ANKFN1: variants seen among roughly 807,000 people sequenced by gnomAD.
The protein encoded by ANKFN1 is ankyrin repeat and fibronectin type-III domain-containing protein 1.
ANKFN1 carries 74 observed loss-of-function variants against 108.7 expected under a neutral mutation model. That is an observed-to-expected ratio of 0.68 (90% CI 0.56 to 0.83). The LOEUF (loss-of-function observed/expected upper bound fraction) is 0.83. ANKFN1 is among the 40% of genes least tolerant of loss of function. ANKFN1 has a pLI of 0.00. For synonymous variants in ANKFN1, 547 were observed against 516.2 expected, an observed-to-expected ratio of 1.06 and a Z score of -0.81; for missense variants, 1,505 against 1,382.3, an observed-to-expected ratio of 1.09 and a Z score of -1.41.
intron 1 of ANKFN1, among the ~76,000 whole-genome samples, chr17:56,212,274 T>A (rs1234011091): frequency 6.6e-6 from 1 of 152,188 alleles, no homozygotes; most frequent in Non-Finnish European, 1.5e-5. Context: ...GTCAAATGCT[T>A]TTTCTGTGTC....
At chr17:56,381,102 C>T (rs1461003117) in intron 8 of ANKFN1, among the ~76,000 whole-genome samples, 6 of 152,156 alleles carry the variant, frequency 3.9e-5, no homozygotes, top group African/African-American at 7.2e-5. Context: ...TCCAGAGGAA[C>T]GATCAGACAG....
chr17:56,343,327 T>G (rs953541104), intron 4 of ANKFN1, among the ~76,000 whole-genome samples: 5 of 152,042 alleles, frequency 3.3e-5, no homozygotes, highest in Admixed American at 6.6e-5. Context: ...TCTGGCAGTA[T>G]CTTAATTTCC....
chr17:56,423,418 T>A (rs999984795), intron 8 of ANKFN1, among the ~76,000 whole-genome samples: 1 of 152,200 alleles, frequency 6.6e-6, no homozygotes, highest in Non-Finnish European at 1.5e-5. Flanking sequence ...AAGATTTAAA[T>A]GTCTCCAATG....
At chr17:56,366,523 A>G (rs1278980772) in intron 6 of ANKFN1, among the ~76,000 whole-genome samples, 1 of 152,138 alleles carries the variant, frequency 6.6e-6, no homozygotes, top group Non-Finnish European at 1.5e-5. Flanking sequence ...ACCCAAAGCA[A>G]CCTCCAGTCC....
At chr17:56,246,997 C>T (rs1186333759) in intron 3 of ANKFN1, among the ~76,000 whole-genome samples, 2 of 152,192 alleles carry the variant, frequency 1.3e-5, no homozygotes, top group African/African-American at 2.4e-5. Context: ...GTCAAAAGAA[C>T]ATCAAGCTGA....
At chr17:56,415,608 A>C (rs2145019663) in intron 8 of ANKFN1, among the ~76,000 whole-genome samples, 1 of 152,348 alleles carries the variant, frequency 6.6e-6, no homozygotes, top group Admixed American at 6.5e-5. Context: ...ATGGGTTGGA[A>C]GAATCAATAT....
At chr17:56,255,228 A>T (rs1432757373) in intron 3 of ANKFN1, among the ~76,000 whole-genome samples, 1 of 152,166 alleles carries the variant, frequency 6.6e-6, no homozygotes, top group African/African-American at 2.4e-5. Flanking sequence ...ACAGTCCTTG[A>T]ACCAGGGGCC....
At position 56,466,479 on chromosome 17, in the gene ANKFN1, T is replaced by G. The variant is rs757655827; in HGVS notation, c.1681T>G (p.Trp561Gly). 1 of 1,614,144 alleles carries G rather than the reference T, an allele frequency of 6.2e-7. No individual in the cohort carries two copies. Among genetic ancestry groups the G allele is most frequent in the South Asian group, 1.1e-5 (1 of 91,080 alleles). The part of the protein sequence containing the change: ...EMLYSFFNGK[W>G]MQISKLQSQR... ...GCTTTATTCATTTTTTAATGGCAAA[T>G]GGATGCAGATCTCAAAGCTGCAAAG... The change falls in exon 15 of 21, where the codon TGG becomes GGG. Residue 561 changes from tryptophan to glycine, a missense_variant. By Grantham distance (184) the Trp-to-Gly change is radical. Transcript: ENST00000682825.
intron 3 of ANKFN1, among the ~76,000 whole-genome samples, chr17:56,318,885 G>C (rs568893002): frequency 6.6e-6 from 1 of 151,944 alleles, no homozygotes; most frequent in African/African-American, 2.4e-5. Context: ...ATAGCATAAA[G>C]ATAGGTCAAA....
At chr17:56,313,849 C>G (rs1380777598) in intron 3 of ANKFN1, among the ~76,000 whole-genome samples, 1 of 152,082 alleles carries the variant, frequency 6.6e-6, no homozygotes, top group Non-Finnish European at 1.5e-5. Context: ...GTATATACCC[C>G]CTAACCAACA....
At chr17:56,454,763 T>C (rs1242046109) in intron 11 of ANKFN1, among the ~76,000 whole-genome samples, 1 of 152,158 alleles carries the variant, frequency 6.6e-6, no homozygotes, top group Non-Finnish European at 1.5e-5. Context: ...TAGGGAAATA[T>C]TATGTATAAA....
At chr17:56,428,543 AC>A (rs2048651795) in intron 8 of ANKFN1, among the ~76,000 whole-genome samples, 2 of 149,980 alleles carry the variant, frequency 1.3e-5, no homozygotes, top group Non-Finnish European at 3.0e-5. Flanking sequence ...GCTCACTGCA[AC>A]CTCCGCCTCC....
At chr17:56,412,318 A>T (rs1034132715) in intron 8 of ANKFN1, among the ~76,000 whole-genome samples, 2 of 152,126 alleles carry the variant, frequency 1.3e-5, no homozygotes, top group African/African-American at 2.4e-5. Flanking sequence ...ATCAGTTGTA[A>T]TGTCTCCTCT....
Position 56,384,174 on chromosome 17 carries a change from A to G in ANKFN1, c.910+9460A>G, listed in dbSNP as rs190615871. On this transcript the variant is annotated intron_variant, in intron 8 of 20. Coordinates refer to ENST00000682825, the MANE Select transcript of ANKFN1 (RefSeq NM_001370326.1). Reference sequence around the variant, plus strand: ...CCCTGGGATGCAAGGCTGGCTCAATATACGCAAATCAATAAATGTAATCCA... The same window carrying G: ...CCCTGGGATGCAAGGCTGGCTCAATGTACGCAAATCAATAAATGTAATCCA... 2.6e-3 allele frequency among the ~76,000 whole-genome samples: 394 copies of G among 152,344 alleles called. 1 individual carries two copies. The highest frequency in any genetic ancestry group is 8.9e-3 in the African/African-American group (369 of 41,570).
At chr17:56,321,871 G>A (rs145849243) in intron 3 of ANKFN1, among the ~76,000 whole-genome samples, 147 of 152,264 alleles carry the variant, frequency 9.7e-4, no homozygotes, top group African/African-American at 2.9e-3. Context: ...AAGGACTGAA[G>A]TTCAAACTCC....
chr17:56,113,869 A>AG (rs1906114690), intron 4 of ANKFN1, among the ~76,000 whole-genome samples: 2 of 152,336 alleles, frequency 1.3e-5, no homozygotes, highest in South Asian at 4.1e-4. Context: ...TAGATGTTAG[A>AG]GGGAAATTCA....
At chr17:56,309,805 T>C (rs891047390) in intron 3 of ANKFN1, among the ~76,000 whole-genome samples, 2 of 152,242 alleles carry the variant, frequency 1.3e-5, no homozygotes. Flanking sequence ...CTTATAACAA[T>C]ATTCTATACT....
At chr17:56,135,617 A>G (rs887938433) in intron 4 of ANKFN1, among the ~76,000 whole-genome samples, 2 of 152,186 alleles carry the variant, frequency 1.3e-5, no homozygotes, top group African/African-American at 2.4e-5. Flanking sequence ...CTTGAAAACA[A>G]TTGTTCCCTG....
chr17:56,275,581 G>T (rs1567878872), intron 3 of ANKFN1, among the ~76,000 whole-genome samples: 2 of 151,992 alleles, frequency 1.3e-5, no homozygotes, highest in East Asian at 3.9e-4. Flanking sequence ...GATTAAGGAG[G>T]TGTCAAATAC....
Sources: allele counts gnomAD v4.1 joint callset (sites outside exome capture counted in the v4.1 genomes callset), GRCh38; gene constraint gnomAD v4.1.1; transcripts MANE v1.5; gene names NCBI Gene and HGNC (gene_info 2026-07-23, HGNC 2026-07-21).